The following HEATR5B variants were observed in gnomAD, a reference collection of about 807,000 sequenced individuals.
HEATR5B encodes the protein HEAT repeat containing 5B.
A neutral mutation model predicts 224.1 loss-of-function variants in HEATR5B; 156 were observed. The observed-to-expected ratio is 0.70, with a 90% CI of 0.61 to 0.80. HEATR5B has a LOEUF of 0.80. HEATR5B is among the 30% of genes least tolerant of loss of function. The pLI, the probability that HEATR5B is intolerant of heterozygous loss-of-function variation, is 0.00. For missense variants in HEATR5B, 2,323 were observed against 2,535.5 expected (o/e 0.92, Z 1.80); for synonymous variants, 1,027 against 893.0 (o/e 1.15, Z -2.68).
At chr2:37,024,088 C>T (rs1174629562) in intron 24 of HEATR5B, among the ~76,000 whole-genome samples, 1 of 152,096 alleles carries the variant, frequency 6.6e-6, no homozygotes, top group Non-Finnish European at 1.5e-5. Flanking sequence ...AGAATAAAGT[C>T]CTATTATTTG....
chr2:37,040,865 TA>T (rs890489270), intron 19 of HEATR5B, among the ~76,000 whole-genome samples: 33 of 144,052 alleles, frequency 2.3e-4, no homozygotes, highest in Non-Finnish European at 4.3e-4. Flanking sequence ...TCTAAAGAAA[TA>T]AAAAAAAAGA....
rs937002116 is a variant in HEATR5B, at chr2:37,062,117, T to C, written c.1585-67A>G. 3.2e-5 allele frequency: 30 copies of C among 929,578 alleles called. No individual in the cohort carries two copies. In the African/African-American group the frequency reaches 4.7e-4, roughly 15 times the overall value. The allele number at this position is 929,578 out of a possible 1,614,324, so 57.6% of individuals were successfully genotyped here. Reference sequence around the variant, plus strand: ...TAAATTAAATAAGGAAACAGATAACTAGCATACATTACTTAAAAGAAGTTG... The same window carrying C: ...TAAATTAAATAAGGAAACAGATAACCAGCATACATTACTTAAAAGAAGTTG... On this transcript the variant is annotated intron_variant, in intron 10 of 35. Coordinates refer to ENST00000233099, the MANE Select transcript of HEATR5B (RefSeq NM_019024.3).
chr2:37,024,545 G>A (rs1451354951), intron 24 of HEATR5B, among the ~76,000 whole-genome samples: 1 of 152,056 alleles, frequency 6.6e-6, no homozygotes, highest in Non-Finnish European at 1.5e-5. Context: ...CAACTGATAA[G>A]CTAGAAAAGA....
rs754190541 is a variant in HEATR5B at position 37,041,305 on chromosome 2, T to C, written c.2697-13A>G. On this transcript the variant is annotated splice_polypyrimidine_tract_variant and intron_variant, in intron 18 of 35. Coordinates refer to ENST00000233099, the MANE Select transcript of HEATR5B (RefSeq NM_019024.3). ...AGCCGATTTCAACCTGAAAAAAAGA[T>C]TATGCTTCAAGCACTAACTTTGCTA... 8.1e-6 allele frequency: 13 copies of C among 1,612,612 alleles called. No individual in the cohort carries two copies. The highest frequency in any genetic ancestry group is 1.1e-5 in the Non-Finnish European group (13 of 1,179,092).
Position 37,041,134 on chromosome 2 carries a change from T to C in HEATR5B, c.2855A>G (p.Gln952Arg), listed in dbSNP as rs975725240. The C allele has an allele frequency of 2.5e-6, 4 of 1,611,822 alleles. No homozygotes were observed. Among genetic ancestry groups the C allele is most frequent in the Admixed American group, 1.7e-5 (1 of 59,648 alleles). Residue 952 changes from glutamine (Q) to arginine (R), a missense_variant and splice_region_variant, in exon 19 of 36, where the codon CAG becomes CGG. Gln to Arg is a conservative substitution (Grantham distance 43). Coordinates refer to ENST00000233099, the MANE Select transcript of HEATR5B (RefSeq NM_019024.3). ...ATAAAAAAACCAATTATATTATACC[T>C]GGACTTCAGGGGATGTCCCATCTTG... is the stretch of plus-strand genomic sequence containing the variant. Reference protein sequence around the residue: ...LAQDGTSPEVQTWSLHSLALI... With the variant: ...LAQDGTSPEVRTWSLHSLALI...
In HEATR5B at chr2:36,988,537, A is replaced by G. The variant is rs1164780846; in HGVS notation, c.5911+109T>C. 8 of 917,336 alleles carry G rather than the reference A, an allele frequency of 8.7e-6. No individual in the cohort carries two copies. In the South Asian group the frequency reaches 1.1e-4, roughly 12 times the overall value. The allele number at this position is 917,336 out of a possible 1,614,324, so 56.8% of individuals were successfully genotyped here. On this transcript the variant is annotated intron_variant, in intron 35 of 35. Transcript: ENST00000233099. ...GGCCTCCCAGAGTGCTGGGACTCCC[A>G]AAGTGTAAGCCACTGCGCCCAGCAG...
At chr2:37,025,206 C>T (rs1438036216) in intron 24 of HEATR5B, among the ~76,000 whole-genome samples, 1 of 152,054 alleles carries the variant, frequency 6.6e-6, no homozygotes, top group Non-Finnish European at 1.5e-5. Context: ...CAAAATATGT[C>T]AGACACTGGA....
intron 10 of HEATR5B, among the ~76,000 whole-genome samples, chr2:37,064,477 T>C (rs1205637498): frequency 6.6e-6 from 1 of 152,024 alleles, no homozygotes; most frequent in African/African-American, 2.4e-5. Flanking sequence ...TCTCACTATG[T>C]TGCCTAGGCT....
intron 33 of HEATR5B, among the ~76,000 whole-genome samples, chr2:36,999,939 G>GA (rs1666979786): frequency 6.6e-6 from 1 of 151,668 alleles, no homozygotes; most frequent in South Asian, 2.1e-4. Flanking sequence ...TTGAACCCGG[G>GA]AGGCGGAGGT....
intron 26 of HEATR5B, among the ~76,000 whole-genome samples, chr2:37,015,411 T>A: frequency 6.6e-6 from 1 of 152,194 alleles, no homozygotes; most frequent in Admixed American, 6.5e-5. Context: ...GTGTCTTTTA[T>A]AATACCATAG....
At chr2:36,984,934 G>A (rs762281341) in intron 35 of HEATR5B, among the ~76,000 whole-genome samples, 2 of 152,102 alleles carry the variant, frequency 1.3e-5, no homozygotes, top group Non-Finnish European at 2.9e-5. Context: ...AGAAAGAAAT[G>A]GGACAAGATT....
At chr2:36,988,559 G>C in intron 35 of HEATR5B, 87 bp downstream of exon 35, 1 of 1,173,848 alleles carries the variant, frequency 8.5e-7, no homozygotes, top group Non-Finnish European at 1.2e-6. Flanking sequence ...ACTGCGCCCA[G>C]CAGGCCTGTT....
chr2:37,019,812 G>A lies in HEATR5B; in HGVS notation c.4101C>T (p.Cys1367=). ...AAAGTCCCATTTTTCTTCTTACCTG[G>A]CAAGCTTTCGCTATTATATCTGATG... ...DTPSDIIAKA[C]QVCSTWIGSG... The change falls in exon 26 of 36, where the codon TGC becomes TGT. Residue 1367 remains cysteine, a synonymous_variant. Coordinates refer to ENST00000233099, the MANE Select transcript of HEATR5B (RefSeq NM_019024.3). 6.2e-7 allele frequency: 1 copy of A among 1,600,580 alleles called. No individual in the cohort carries two copies. Among genetic ancestry groups the A allele is most frequent in the Non-Finnish European group, 8.6e-7 (1 of 1,169,432 alleles).
chr2:37,065,053 T>C, intron 9 of HEATR5B, 63 bp from the exon 10 acceptor site: 2 of 1,499,198 alleles, frequency 1.3e-6, no homozygotes, highest in Non-Finnish European at 1.8e-6. Context: ...GAAACTCAAA[T>C]ACTATCTAAA....
chr2:37,043,202 C>T (rs1434682755), intron 18 of HEATR5B, among the ~76,000 whole-genome samples: 1 of 152,180 alleles, frequency 6.6e-6, no homozygotes, highest in African/African-American at 2.4e-5. Context: ...GATCAAGACC[C>T]TGAAGCATTT....
rs1242428169 is a variant in HEATR5B at position 36,984,225 on chromosome 2, T to TATATATATATATATA, written c.5912-2432_5912-2431insTATATATATATATAT. ...CAAAAAAAAAAAAAAAATATATATATATATATATATATAAAACTGGAAAAA... is the reference window on the plus strand; with the variant it reads ...CAAAAAAAAAAAAAAAATATATATATATATATATATATATAATATATATATATAAAACTGGAAAAA... On this transcript the variant is annotated intron_variant, in intron 35 of 35. Transcript: ENST00000233099. 5.0e-3 allele frequency among the ~76,000 whole-genome samples: 376 copies of TATATATATATATATA among 74,848 alleles called. 2 individuals are homozygous for TATATATATATATATA. Among genetic ancestry groups the TATATATATATATATA allele is most frequent in the Non-Finnish European group, 7.3e-3 (281 of 38,690 alleles). 49.1% of individuals were successfully genotyped at this position (74,848 alleles called of 152,430 possible). A position where few individuals can be genotyped will look rare whatever the true frequency, so the allele number is the denominator to read the frequency against.
Position 36,981,190 on chromosome 2 carries a change from G to A in HEATR5B, c.*300C>T. On this transcript the variant is annotated 3_prime_UTR_variant, in exon 36 of 36. Coordinates refer to ENST00000233099, the MANE Select transcript of HEATR5B (RefSeq NM_019024.3). ...GTATCAATAGGCTGCCCGACTACAT[G>A]ATACAATTGTTTTTAGCATTTAAAT... 1 of 232,976 alleles carries A rather than the reference G, an allele frequency of 4.3e-6. No individual in the cohort carries two copies. Among genetic ancestry groups the A allele is most frequent in the Non-Finnish European group, 8.2e-6 (1 of 122,088 alleles). The allele number at this position is 232,976 out of a possible 1,614,324, so 14.4% of individuals were successfully genotyped here. A position where few individuals can be genotyped will look rare whatever the true frequency, so the allele number is the denominator to read the frequency against.
In HEATR5B at chr2:37,027,973, G is replaced by C; in HGVS notation, c.3803C>G (p.Ala1268Gly). 1 of 1,614,216 alleles carries C rather than the reference G, an allele frequency of 6.2e-7. No individual in the cohort carries two copies. The highest frequency in any genetic ancestry group is 8.5e-7 in the Non-Finnish European group (1 of 1,180,024). The change falls in exon 24 of 36, where the codon GCT becomes GGT. Residue 1268 changes from alanine (A) to glycine (G), a missense_variant. This residue lies in a region of HEATR5B where 339 missense variants were observed against 378.4 expected (regional missense o/e 0.90). Transcript: ENST00000233099. ...ACGTGCCAAGGCAAGATCAAAGTGA[G>C]CCTGGTCTGCATTCTCACACAAATT... Reference protein sequence around the residue: ...IINLCENADQAHFDLALARSA... With the variant: ...IINLCENADQGHFDLALARSA...
chr2:37,079,290 T>C lies in HEATR5B; in HGVS notation c.168A>G (p.Leu56=), dbSNP rs190126907. Residue 56 remains leucine (L), a synonymous_variant, in exon 3 of 36, where the codon TTA becomes TTG. Coordinates refer to ENST00000233099, the MANE Select transcript of HEATR5B (RefSeq NM_019024.3). ...KEKQKKLVEQ[L]TGLISSSPGP... ...CAGGTGAACTACTTATTAATCCAGT[T>C]AATTGTTCAACAAGTTTTTTCTGTT... is the stretch of plus-strand genomic sequence containing the variant. 39 of 1,611,324 alleles carry C rather than the reference T, an allele frequency of 2.4e-5. No individual in the cohort carries two copies. In the African/African-American group the frequency reaches 4.5e-4, roughly 19 times the overall value.
Sources: allele counts gnomAD v4.1 joint callset (sites outside exome capture counted in the v4.1 genomes callset), GRCh38; gene constraint gnomAD v4.1.1; regional missense constraint gnomAD v4.1.1; transcripts MANE v1.5; gene names NCBI Gene and HGNC (gene_info 2026-07-23, HGNC 2026-07-21).